Variants in KPNA3 observed in about 807,000 individuals in gnomAD.
KPNA3 encodes the protein karyopherin subunit alpha 3, also known as importin subunit alpha-4.
In KPNA3, 13 loss-of-function variants were observed where a neutral mutation model predicts 73.8. The ratio of observed to expected loss-of-function variants is 0.18; its 90% CI spans 0.11 to 0.28. The LOEUF (loss-of-function observed/expected upper bound fraction) is 0.28. Ranked by LOEUF, KPNA3 falls within the 10% of genes least tolerant of loss-of-function variation. The probability of loss-of-function intolerance (pLI) is 1.00; values close to 1 mark genes in which losing one functional copy is unlikely to be tolerated. For missense variants in KPNA3, 360 were observed against 618.1 expected (o/e 0.58, Z 4.43); for synonymous variants, 186 against 206.9 (o/e 0.90, Z 0.87).
intron 1 of KPNA3, among the ~76,000 whole-genome samples, chr13:49,764,890 T>C (rs1445894230): frequency 1.3e-5 from 2 of 152,258 alleles, no homozygotes; most frequent in Admixed American, 1.3e-4. Context: ...CAAAATTCCA[T>C]TGGCTCTGCT....
In KPNA3 at chr13:49,701,702, GTGTTTTGGA is replaced by G. The variant is rs1226982706; in HGVS notation, c.*89_*97del. ...GAAGCATCAAAACAAAGAGGCATGTGTGTTTTGGAGCCTTTTGTTGCTGTTGTTCTTATC... is the reference window on the plus strand; with the variant it reads ...GAAGCATCAAAACAAAGAGGCATGTGGCCTTTTGTTGCTGTTGTTCTTATC... On this transcript the variant is annotated 3_prime_UTR_variant, in exon 17 of 17. Coordinates refer to ENST00000261667, the MANE Select transcript of KPNA3 (RefSeq NM_002267.4). The G allele has an allele frequency of 9.9e-5, 81 of 819,500 alleles. No homozygotes were observed. Among genetic ancestry groups the G allele is most frequent in the Non-Finnish European group, 1.4e-4 (64 of 460,586 alleles). 50.8% of individuals were successfully genotyped at this position (819,500 alleles called of 1,614,324 possible).
In KPNA3 at chr13:49,719,764, TC is replaced by T; in HGVS notation, c.771+10del. On this transcript the variant is annotated intron_variant, in intron 10 of 16. Coordinates refer to ENST00000261667, the MANE Select transcript of KPNA3 (RefSeq NM_002267.4). ...AGCAAAATCCCACATTTAAGCTGCT[TC>T]TTAACTTACGTTTATATCTGTATGG... The T allele has an allele frequency of 6.3e-7, 1 of 1,594,038 alleles. No homozygotes were observed.
intron 1 of KPNA3, among the ~76,000 whole-genome samples, chr13:49,756,259 G>A (rs577112595): frequency 2.2e-4 from 34 of 152,340 alleles, no homozygotes; most frequent in Non-Finnish European, 4.9e-4. Flanking sequence ...CAGCGACAGA[G>A]ATAGACCCTG....
rs375445831 is a variant in KPNA3 at position 49,701,926 on chromosome 13, T to C, written c.1468-28A>G. 7 of 1,468,528 alleles carry C rather than the reference T, an allele frequency of 4.8e-6. No individual in the cohort carries two copies. The African/African-American group carries it at 8.3e-5, about 17-fold the overall frequency. 91.0% of individuals were successfully genotyped at this position (1,468,528 alleles called of 1,614,324 possible). ...GTAAAAAACAAGAAAAAAATCCTTA[T>C]TAGGTTATGATACTATACATTATGA... is the stretch of plus-strand genomic sequence containing the variant. On this transcript the variant is annotated intron_variant, in intron 16 of 16. Transcript: ENST00000261667.
At chr13:49,780,112 A>T (rs1466418105) in intron 1 of KPNA3, among the ~76,000 whole-genome samples, 1 of 151,996 alleles carries the variant, frequency 6.6e-6, no homozygotes, top group Non-Finnish European at 1.5e-5. Flanking sequence ...ATCTTACTCT[A>T]GCCATTGCTT....
chr13:49,748,551 TCTTA>T (rs1954637226), intron 1 of KPNA3, among the ~76,000 whole-genome samples: 2 of 152,072 alleles, frequency 1.3e-5, no homozygotes, highest in Admixed American at 1.3e-4. Flanking sequence ...GATATCTCTT[TCTTA>T]AACCACAGTG....
intron 1 of KPNA3, among the ~76,000 whole-genome samples, chr13:49,758,688 A>G (rs149278280): frequency 2.3e-4 from 35 of 152,314 alleles, no homozygotes; most frequent in African/African-American, 7.9e-4. Flanking sequence ...TATGCATTAT[A>G]TGTGTGTGTT....
chr13:49,743,925 TTC>T (rs1287902636), intron 2 of KPNA3, among the ~76,000 whole-genome samples: 1 of 152,216 alleles, frequency 6.6e-6, no homozygotes, highest in East Asian at 1.9e-4. Context: ...CCAATTTTAC[TTC>T]TATTGCATCT....
chr13:49,735,829 T>C (rs867474664), intron 2 of KPNA3, among the ~76,000 whole-genome samples: 5 of 152,330 alleles, frequency 3.3e-5, no homozygotes, highest in Middle Eastern at 3.4e-3. Flanking sequence ...GTCAAAGCAG[T>C]TAACTATGGG....
intron 1 of KPNA3, among the ~76,000 whole-genome samples, chr13:49,778,296 T>C (rs8001656): frequency 0.044 from 6,736 of 152,302 alleles, 474 homozygotes; most frequent in African/African-American, 0.15. Flanking sequence ...ATCACCAAGT[T>C]TTGGCCAGTT....
intron 15 of KPNA3, among the ~76,000 whole-genome samples, chr13:49,705,403 T>A (rs1233645992): frequency 6.6e-6 from 1 of 151,402 alleles, no homozygotes; most frequent in East Asian, 1.9e-4. Flanking sequence ...TAGAAGGCTA[T>A]ACAGTGACTT....
intron 1 of KPNA3, among the ~76,000 whole-genome samples, chr13:49,747,932 T>A (rs1035294987): frequency 6.6e-6 from 1 of 152,074 alleles, no homozygotes; most frequent in Admixed American, 6.6e-5. Flanking sequence ...TGGCTCACTC[T>A]CTCCTAGCTT....
chr13:49,787,490 C>G (rs918417642), intron 1 of KPNA3, among the ~76,000 whole-genome samples: 1 of 152,126 alleles, frequency 6.6e-6, no homozygotes, highest in Non-Finnish European at 1.5e-5. Context: ...AGCAAGAGTT[C>G]TAGCTTTAGC....
chr13:49,717,440 G>GAAAAAAAAAA (rs61581557), intron 10 of KPNA3, among the ~76,000 whole-genome samples: 5 of 126,926 alleles, frequency 3.9e-5, no homozygotes, highest in Non-Finnish European at 7.9e-5. Flanking sequence ...GGAAAAAAAA[G>GAAAAAAAAAA]AAAAAAAAAA....
chr13:49,768,581 T>C (rs560342561), intron 1 of KPNA3, among the ~76,000 whole-genome samples: 1 of 146,196 alleles, frequency 6.8e-6, no homozygotes, highest in Non-Finnish European at 1.5e-5. Context: ...TTTTTTTTTT[T>C]TTTTTTTTTT....
Position 49,719,835 on chromosome 13 carries a change from A to C in KPNA3, c.727-16T>G, listed in dbSNP as rs1327934449. 2 of 1,507,066 alleles carry C rather than the reference A, an allele frequency of 1.3e-6. No homozygotes were observed. The highest frequency in any genetic ancestry group is 2.8e-5 in the African/African-American group (2 of 72,676). 93.4% of individuals were successfully genotyped at this position (1,507,066 alleles called of 1,614,324 possible). On this transcript the variant is annotated splice_polypyrimidine_tract_variant and intron_variant, in intron 9 of 16. Transcript: ENST00000261667. ...CTGGCAAAATCTGAGGAAAGAAAAT[A>C]AACAATACTTAACATTAGTTAATTA...
chr13:49,792,438 T>A lies in KPNA3; in HGVS notation c.69A>T (p.Glu23Asp), dbSNP rs1194431142. ...GCCCAGACCGCGGAAGCACACTCAC[T>A]TCCACATCGCGGCCCTTGTTCTTGA... ...KSFKNKGRDVETMRRHRNEVT... is the reference protein window; with the variant it reads ...KSFKNKGRDVDTMRRHRNEVT... Residue 23 changes from glutamate (E) to aspartate (D), a missense_variant and splice_region_variant, in exon 1 of 17, where the codon GAA (glutamate) becomes GAT (aspartate). Glu to Asp is a conservative substitution (Grantham distance 45, BLOSUM62 2). Coordinates refer to ENST00000261667, the MANE Select transcript of KPNA3 (RefSeq NM_002267.4). The A allele has an allele frequency of 3.2e-6, 5 of 1,572,524 alleles. No individual in the cohort carries two copies. In the Admixed American group the frequency reaches 9.0e-5, roughly 28 times the overall value.
chr13:49,773,429 T>C (rs1954871443), intron 1 of KPNA3, among the ~76,000 whole-genome samples: 1 of 152,152 alleles, frequency 6.6e-6, no homozygotes, highest in South Asian at 2.1e-4. Context: ...GCCTCAAAGA[T>C]TTTTTCGATG....
At chr13:49,753,537 T>C (rs1954684439) in intron 1 of KPNA3, among the ~76,000 whole-genome samples, 1 of 152,190 alleles carries the variant, frequency 6.6e-6, no homozygotes, top group Non-Finnish European at 1.5e-5. Flanking sequence ...CCGTGAGCAA[T>C]GAATTTATTT....
Sources: gnomAD v4.1 joint callset for allele counts (sites outside exome capture counted in the v4.1 genomes callset) on GRCh38, gnomAD v4.1.1 for gene constraint, MANE v1.5 for transcripts, NCBI Gene and HGNC (gene_info 2026-07-23, HGNC 2026-07-21) for gene names.